IGF2BP3: variants seen among roughly 807,000 people sequenced by gnomAD.
The protein encoded by IGF2BP3 is insulin-like growth factor 2 mRNA-binding protein 3.
IGF2BP3 carries 9 observed loss-of-function variants against 73.8 expected under a neutral mutation model. The ratio of observed to expected loss-of-function variants is 0.12; its 90% CI spans 0.07 to 0.21. The LOEUF (loss-of-function observed/expected upper bound fraction) is 0.21, where lower values mean the gene tolerates loss of function less well. Among genes scored for constraint, IGF2BP3 ranks in the 10% least tolerant of loss-of-function variants. The probability of loss-of-function intolerance (pLI) is 1.00; values close to 1 mark genes in which losing one functional copy is unlikely to be tolerated. For missense variants in IGF2BP3, 542 were observed against 714.0 expected, an observed-to-expected ratio of 0.76 and a Z score of 2.75; for synonymous variants, 258 against 256.7, an observed-to-expected ratio of 1.01 and a Z score of -0.05.
chr7:23,469,852 G>T lies in IGF2BP3; in HGVS notation c.175+84C>A. 2 of 970,130 alleles carry T rather than the reference G, an allele frequency of 2.1e-6. No individual in the cohort carries two copies. Among genetic ancestry groups the T allele is most frequent in the Non-Finnish European group, 2.7e-6 (2 of 744,672 alleles). 60.1% of individuals were successfully genotyped at this position (970,130 alleles called of 1,614,324 possible). ...CCCGCTCCCCCAGCGCGCCGGGCCT[G>T]GGGCCCGCGGAGCCACCCGGTGGGC... On this transcript the variant is annotated intron_variant, in intron 1 of 14. Transcript: ENST00000258729. The surrounding 1 kb of genome is among the most constrained non-coding windows in gnomAD (Gnocchi z 6.1).
intron 10 of IGF2BP3, among the ~76,000 whole-genome samples, chr7:23,327,912 C>A (rs1784347460): frequency 6.6e-6 from 1 of 152,166 alleles, no homozygotes; most frequent in African/African-American, 2.4e-5. Flanking sequence ...CGGCAGAACC[C>A]CACATCAGAC....
At chr7:23,428,699 C>T (rs953236406) in intron 2 of IGF2BP3, among the ~76,000 whole-genome samples, 11 of 149,320 alleles carry the variant, frequency 7.4e-5, no homozygotes, top group African/African-American at 2.7e-4. Flanking sequence ...ACAGAGCAAG[C>T]CTCTTTTTCT....
chr7:23,312,894 C>T, intron 13 of IGF2BP3, 46 bp from the exon 14 acceptor site: 1 of 1,202,492 alleles, frequency 8.3e-7, no homozygotes, highest in Non-Finnish European at 1.2e-6. Context: ...GTTTTAAAAC[C>T]TTACTTCCTA....
In IGF2BP3 at chr7:23,351,393, G is replaced by A. The variant is rs1056253827; in HGVS notation, c.595C>T (p.Arg199Cys). Residue 199 changes from arginine to cysteine, a missense_variant, in exon 6 of 15, where the codon CGC (arginine) becomes TGC (cysteine). Coordinates refer to ENST00000258729, the MANE Select transcript of IGF2BP3 (RefSeq NM_006547.3). ...ACAAATTGGGTGGGAACCAGCAGGC[G>A]CAGAGGCAAATCACATGGTTTCTGC... ...SKQKPCDLPL[R>C]LLVPTQFVGA... The A allele has an allele frequency of 3.1e-6, 5 of 1,613,890 alleles. No individual in the cohort carries two copies. Among genetic ancestry groups the A allele is most frequent in the South Asian group, 1.1e-5 (1 of 91,064 alleles).
chr7:23,409,759 C>T (rs1464000537), intron 3 of IGF2BP3, among the ~76,000 whole-genome samples: 1 of 152,122 alleles, frequency 6.6e-6, no homozygotes, highest in Non-Finnish European at 1.5e-5. Flanking sequence ...AGGCTTAAGA[C>T]AATAGGAGAA....
At chr7:23,459,153 C>T (rs948502610) in intron 2 of IGF2BP3, among the ~76,000 whole-genome samples, 9 of 152,182 alleles carry the variant, frequency 5.9e-5, no homozygotes, top group African/African-American at 2.2e-4. Context: ...GCATAGACAG[C>T]AGAAAAGTCT....
intron 3 of IGF2BP3, among the ~76,000 whole-genome samples, chr7:23,408,001 A>G (rs1328563018): frequency 6.6e-6 from 1 of 151,570 alleles, no homozygotes; most frequent in Non-Finnish European, 1.5e-5. Context: ...ACAGCCTAAA[A>G]ACTACATGAT....
chr7:23,397,382 C>T (rs919565670), intron 3 of IGF2BP3, among the ~76,000 whole-genome samples: 1 of 152,146 alleles, frequency 6.6e-6, no homozygotes, highest in Non-Finnish European at 1.5e-5. Context: ...AGGAGAGCAC[C>T]GTGTTGTCAA....
chr7:23,420,712 C>T (rs1025322787), intron 2 of IGF2BP3, among the ~76,000 whole-genome samples: 3 of 152,060 alleles, frequency 2.0e-5, no homozygotes, highest in Admixed American at 6.6e-5. Context: ...CAAAGAAAAC[C>T]TAGATTAACT....
intron 3 of IGF2BP3, among the ~76,000 whole-genome samples, chr7:23,388,775 A>C (rs999534817): frequency 6.6e-6 from 1 of 152,122 alleles, no homozygotes; most frequent in African/African-American, 2.4e-5. Context: ...AATAATCTTC[A>C]TACTATCTCT....
chr7:23,314,888 C>T lies in IGF2BP3; in HGVS notation c.1396-1235G>A, dbSNP rs911104510. 9.2e-5 allele frequency among the ~76,000 whole-genome samples: 14 copies of T among 152,074 alleles called. No homozygotes were observed. In the East Asian group the frequency reaches 2.5e-3, roughly 27 times the overall value. On this transcript the variant is annotated intron_variant, in intron 12 of 14. Coordinates refer to ENST00000258729, the MANE Select transcript of IGF2BP3 (RefSeq NM_006547.3). ...TTTCGGCTTACTGCAACCTCCGACC[C>T]CCGGGTTCAAGCCATTCTCCTGCCT...
chr7:23,412,750 C>T (rs1489395733), intron 3 of IGF2BP3, among the ~76,000 whole-genome samples: 1 of 143,938 alleles, frequency 6.9e-6, no homozygotes, highest in Non-Finnish European at 1.5e-5. Flanking sequence ...TTTTTGAGTA[C>T]TTATTAGGAG....
intron 3 of IGF2BP3, among the ~76,000 whole-genome samples, chr7:23,408,226 G>C (rs1049149566): frequency 1.0e-4 from 15 of 144,334 alleles, no homozygotes; most frequent in African/African-American, 3.7e-4. Context: ...GGAGGTCCTA[G>C]ACAGTACATT....
intron 3 of IGF2BP3, among the ~76,000 whole-genome samples, chr7:23,409,138 C>G (rs1786938328): frequency 6.6e-6 from 1 of 152,144 alleles, no homozygotes; most frequent in Non-Finnish European, 1.5e-5. Flanking sequence ...GGAGGTGAAG[C>G]TTAGGCAGTA....
intron 2 of IGF2BP3, among the ~76,000 whole-genome samples, chr7:23,423,230 G>T (rs1787401550): frequency 6.6e-6 from 1 of 152,168 alleles, no homozygotes; most frequent in Non-Finnish European, 1.5e-5. Flanking sequence ...TGAACCAAAG[G>T]CATGAATTAT....
At chr7:23,381,209 T>G (rs964379512) in intron 3 of IGF2BP3, among the ~76,000 whole-genome samples, 10 of 152,182 alleles carry the variant, frequency 6.6e-5, no homozygotes, top group Non-Finnish European at 1.2e-4. Context: ...CACACATTAT[T>G]CCACTTAGTC....
At position 23,312,538 on chromosome 7, in the gene IGF2BP3, T is replaced by C; in HGVS notation, c.1642-78A>G. 2.7e-6 allele frequency: 3 copies of C among 1,093,436 alleles called. No homozygotes were observed. In the East Asian group the frequency reaches 7.1e-5, roughly 26 times the overall value. 67.7% of individuals were successfully genotyped at this position (1,093,436 alleles called of 1,614,324 possible). ...TATTGTACTCCTTCATTTCAACAAT[T>C]TCAAATAGAAATCCATTTGATGATT... is the stretch of plus-strand genomic sequence containing the variant. On this transcript the variant is annotated intron_variant, in intron 14 of 14. Coordinates refer to ENST00000258729, the MANE Select transcript of IGF2BP3 (RefSeq NM_006547.3).
rs377328001 is a variant in IGF2BP3, at chr7:23,358,469, T to A, written c.401+3065A>T. Among the ~76,000 whole-genome samples, 2 of 152,200 alleles carry A rather than the reference T, an allele frequency of 1.3e-5. 1 individual carries two copies. The highest frequency in any genetic ancestry group is 4.8e-5 in the African/African-American group (2 of 41,466). Reference sequence around the variant, plus strand: ...CCATGGAGCAGGCCTATGGGGTTCATTGGAAGTCCAGGCTCAAGCCACTTC... The same window carrying A: ...CCATGGAGCAGGCCTATGGGGTTCAATGGAAGTCCAGGCTCAAGCCACTTC... On this transcript the variant is annotated intron_variant, in intron 5 of 14. Transcript: ENST00000258729.
intron 5 of IGF2BP3, among the ~76,000 whole-genome samples, chr7:23,360,559 T>C (rs1335445938): frequency 6.6e-6 from 1 of 152,250 alleles, no homozygotes; most frequent in Non-Finnish European, 1.5e-5. Flanking sequence ...TGAGTGTTAT[T>C]GATTTTACAA....
Sources: gnomAD v4.1 joint callset for allele counts (sites outside exome capture counted in the v4.1 genomes callset) on GRCh38, gnomAD v4.1.1 for gene constraint, Gnocchi (gnomAD v3.1) non-coding constraint, MANE v1.5 for transcripts, NCBI Gene and HGNC (gene_info 2026-07-23, HGNC 2026-07-21) for gene names.